Variants in ULK4 observed in about 807,000 individuals in gnomAD.
ULK4 encodes inactive serine/threonine-protein kinase ULK4.
A neutral mutation model predicts 160.6 loss-of-function variants in ULK4; 133 were observed. The observed-to-expected ratio is 0.83, with a 90% CI of 0.72 to 0.96. The LOEUF is 0.96. Among genes scored for constraint, ULK4 ranks in the 40% least tolerant of loss-of-function variants. The probability of loss-of-function intolerance (pLI) is 0.00; values close to 1 mark genes in which losing one functional copy is unlikely to be tolerated. For missense variants in ULK4, 1,580 were observed against 1,499.5 expected (o/e 1.05, Z -0.89); for synonymous variants, 534 against 539.8 (o/e 0.99, Z 0.15).
chr3:41,491,858 C>T (rs9873128), intron 32 of ULK4, among the ~76,000 whole-genome samples: 59,645 of 147,546 alleles, frequency 0.4, 12,421 homozygotes, highest in African/African-American at 0.43. Flanking sequence ...ATTAGGTATA[C>T]CTTCTAATGC....
chr3:41,885,879 T>C (rs548786758), intron 16 of ULK4, among the ~76,000 whole-genome samples: 5 of 152,210 alleles, frequency 3.3e-5, no homozygotes, highest in South Asian at 4.2e-4. Context: ...GGTTTCGCCA[T>C]GTTGTCCAGG....
chr3:41,837,875 T>C (rs1220451025), intron 17 of ULK4, among the ~76,000 whole-genome samples: 2 of 152,200 alleles, frequency 1.3e-5, no homozygotes, highest in African/African-American at 4.8e-5. Context: ...CATTCCTTCT[T>C]ATTGCTGAAC....
At chr3:41,390,499 C>T (rs2081933431) in intron 35 of ULK4, among the ~76,000 whole-genome samples, 1 of 152,024 alleles carries the variant, frequency 6.6e-6, no homozygotes, top group African/African-American at 2.4e-5. Context: ...CTCTTACGGG[C>T]ATTTAGTGCT....
chr3:41,301,882 A>T lies in ULK4; in HGVS notation c.3679-52308T>A, dbSNP rs551605659. On this transcript the variant is annotated intron_variant, in intron 35 of 36. Transcript: ENST00000301831. ...AACTAAGGTTTAAGGTTGCAAAACA[A>T]TCTTGGCTTTTTGATTAATAAATAT... 2.8e-3 allele frequency among the ~76,000 whole-genome samples: 421 copies of T among 152,338 alleles called. 1 individual carries two copies. Among genetic ancestry groups the T allele is most frequent in the African/African-American group, 9.6e-3 (400 of 41,584 alleles).
chr3:41,356,824 G>A (rs574300665), intron 35 of ULK4, among the ~76,000 whole-genome samples: 1 of 152,314 alleles, frequency 6.6e-6, no homozygotes, highest in Admixed American at 6.5e-5. Flanking sequence ...AGAGAAAGGA[G>A]TGAAGGGAAG....
At chr3:41,558,560 C>T (rs1440468116) in intron 32 of ULK4, among the ~76,000 whole-genome samples, 6 of 151,734 alleles carry the variant, frequency 4.0e-5, no homozygotes, top group African/African-American at 7.3e-5. Context: ...AAAAATTAGC[C>T]GGGCATGGTG....
intron 5 of ULK4, among the ~76,000 whole-genome samples, chr3:41,924,853 C>T (rs1410929909): frequency 1.3e-5 from 2 of 152,118 alleles, no homozygotes; most frequent in Non-Finnish European, 2.9e-5. Context: ...AGGATGCCTG[C>T]CACCCTCTTG....
At chr3:41,758,945 A>C (rs1482970778) in intron 21 of ULK4, among the ~76,000 whole-genome samples, 1 of 152,192 alleles carries the variant, frequency 6.6e-6, no homozygotes. Context: ...AGCCATATCA[A>C]TTACTAATAA....
intron 21 of ULK4, among the ~76,000 whole-genome samples, chr3:41,765,302 A>C (rs1448385739): frequency 6.6e-6 from 1 of 152,156 alleles, no homozygotes; most frequent in African/African-American, 2.4e-5. Flanking sequence ...GCAAACTATC[A>C]CAAGGACAGA....
At chr3:41,940,059 C>T (rs1699903424) in intron 2 of ULK4, among the ~76,000 whole-genome samples, 1 of 151,550 alleles carries the variant, frequency 6.6e-6, no homozygotes, top group Admixed American at 6.6e-5. Context: ...TAGAAATTGA[C>T]ACTTCTAGTC....
intron 17 of ULK4, among the ~76,000 whole-genome samples, chr3:41,867,306 G>A (rs530409608): frequency 9.9e-5 from 15 of 152,272 alleles, no homozygotes; most frequent in South Asian, 4.1e-4. Context: ...GGCACTTACC[G>A]GAAATGCGAA....
At chr3:41,596,359 T>C (rs2031690773) in intron 31 of ULK4, among the ~76,000 whole-genome samples, 1 of 152,130 alleles carries the variant, frequency 6.6e-6, no homozygotes, top group Non-Finnish European at 1.5e-5. Flanking sequence ...CAGGTGCTGG[T>C]GAAGAATAGG....
At chr3:41,660,433 C>G (rs1459263682) in intron 30 of ULK4, among the ~76,000 whole-genome samples, 4 of 152,182 alleles carry the variant, frequency 2.6e-5, no homozygotes, top group Non-Finnish European at 4.4e-5. Flanking sequence ...TGAGACTTCT[C>G]AGTATCTACC....
At chr3:41,693,524 T>C (rs1291956978) in intron 27 of ULK4, among the ~76,000 whole-genome samples, 1 of 152,198 alleles carries the variant, frequency 6.6e-6, no homozygotes, top group Non-Finnish European at 1.5e-5. Flanking sequence ...TTTCTAACAC[T>C]CATTATTAAA....
At chr3:41,281,082 T>C (rs943527510) in intron 35 of ULK4, among the ~76,000 whole-genome samples, 3 of 152,116 alleles carry the variant, frequency 2.0e-5, no homozygotes, top group African/African-American at 7.2e-5. Flanking sequence ...CCTGGACACA[T>C]ACACCCTCCC....
rs1488797928 is a variant in ULK4, at chr3:41,646,925, C to T, written c.3071+16682G>A. On this transcript the variant is annotated intron_variant, in intron 30 of 36. Transcript: ENST00000301831. The stretch of plus-strand genomic sequence containing the variant: ...TCATTTTTCTCTAAACTTCCCTTCT[C>T]GCTTCATTTCATTCATTTCATCTTC... 1.4e-4 allele frequency among the ~76,000 whole-genome samples: 21 copies of T among 152,296 alleles called. No homozygotes were observed. The Middle Eastern group carries it at 0.01, about 74-fold the overall frequency.
At chr3:41,667,999 C>T (rs1027907513) in intron 29 of ULK4, among the ~76,000 whole-genome samples, 6 of 152,120 alleles carry the variant, frequency 3.9e-5, no homozygotes, top group Non-Finnish European at 8.8e-5. Flanking sequence ...AACTGAAACT[C>T]GCTATCTAAA....
At chr3:41,806,842 C>A (rs2040657933) in intron 19 of ULK4, among the ~76,000 whole-genome samples, 1 of 152,148 alleles carries the variant, frequency 6.6e-6, no homozygotes, top group Non-Finnish European at 1.5e-5. Context: ...CTCATAGTAT[C>A]TCAGGCCAGG....
intron 32 of ULK4, among the ~76,000 whole-genome samples, chr3:41,519,167 T>C (rs540996730): frequency 6.6e-6 from 1 of 152,320 alleles, no homozygotes; most frequent in African/African-American, 2.4e-5. Flanking sequence ...CTTCAACCTG[T>C]TGGAATGGTC....
Sources: gnomAD v4.1 joint callset for allele counts (sites outside exome capture counted in the v4.1 genomes callset) on GRCh38, gnomAD v4.1.1 for gene constraint, MANE v1.5 for transcripts, NCBI Gene and HGNC (gene_info 2026-07-23, HGNC 2026-07-21) for gene names.